RNF150: variants seen among roughly 807,000 people sequenced by gnomAD.
RNF150 encodes ring finger protein 150.
In RNF150, 24 loss-of-function variants were observed where a neutral mutation model predicts 39.3. The ratio of observed to expected loss-of-function variants is 0.61; its 90% CI spans 0.44 to 0.86. The LOEUF (loss-of-function observed/expected upper bound fraction) is 0.86. Ranked by LOEUF, RNF150 falls within the 40% of genes least tolerant of loss-of-function variation. The probability of loss-of-function intolerance (pLI) is 0.00; values close to 1 mark genes in which losing one functional copy is unlikely to be tolerated. For missense variants in RNF150, 502 were observed against 587.8 expected (o/e 0.85, Z 1.51); for synonymous variants, 255 against 227.3 (o/e 1.12, Z -1.10).
intron 1 of RNF150, among the ~76,000 whole-genome samples, chr4:141,176,501 C>A (rs1332344131): frequency 1.3e-5 from 2 of 152,088 alleles, no homozygotes; most frequent in Admixed American, 6.6e-5. Context: ...AATAAAAAAA[C>A]TAAAGTTTAG....
upstream of RNF150, among the ~76,000 whole-genome samples, chr4:141,134,429 C>T (rs1367130513): frequency 6.6e-6 from 1 of 152,196 alleles, no homozygotes; most frequent in Non-Finnish European, 1.5e-5. Context: ...CCACCTGATG[C>T]TCTTTCAGAG....
intron 1 of RNF150, among the ~76,000 whole-genome samples, chr4:140,971,527 T>C (rs1733465462): frequency 6.6e-6 from 1 of 152,166 alleles, no homozygotes; most frequent in African/African-American, 2.4e-5. Flanking sequence ...AAAGGCACTT[T>C]ATACTTGAGT....
At chr4:141,200,701 T>C (rs190900393) in intron 1 of RNF150, among the ~76,000 whole-genome samples, 13 of 152,248 alleles carry the variant, frequency 8.5e-5, no homozygotes, top group African/African-American at 3.1e-4. Context: ...CATTGCAGGC[T>C]CTTCTGCAAA....
intron 1 of RNF150, among the ~76,000 whole-genome samples, chr4:141,066,016 G>A (rs923750316): frequency 6.6e-6 from 1 of 151,908 alleles, no homozygotes; most frequent in Non-Finnish European, 1.5e-5. Context: ...TGCATGGGTG[G>A]TTCACATCCC....
In RNF150 at chr4:140,862,734, T is replaced by A. The variant is rs1325231873; in HGVS notation, c.*5527A>T. On this transcript the variant is annotated 3_prime_UTR_variant, in exon 7 of 7. Transcript: ENST00000515673. ...GCAATCCAGACCTTCTTTGCAATCATGAGTATTTTAACTCATGAGTATTTA... is the reference window on the plus strand; with the variant it reads ...GCAATCCAGACCTTCTTTGCAATCAAGAGTATTTTAACTCATGAGTATTTA... 7 of 152,206 alleles carry A rather than the reference T, an allele frequency of 4.6e-5. No individual in the cohort carries two copies. Among genetic ancestry groups the A allele is most frequent in the Non-Finnish European group, 5.9e-5 (4 of 68,036 alleles). The allele number at this position is 152,206 out of a possible 1,614,324, so 9.4% of individuals were successfully genotyped here. A position where few individuals can be genotyped will look rare whatever the true frequency, so the allele number is the denominator to read the frequency against.
At chr4:140,979,173 C>A (rs995450819) in intron 1 of RNF150, among the ~76,000 whole-genome samples, 6 of 152,060 alleles carry the variant, frequency 3.9e-5, no homozygotes, top group Non-Finnish European at 7.4e-5. Flanking sequence ...TATTTTCAAT[C>A]TGAATTTGAC....
chr4:140,979,992 T>A (rs1158315840), intron 1 of RNF150, among the ~76,000 whole-genome samples: 2 of 152,156 alleles, frequency 1.3e-5, no homozygotes, highest in Non-Finnish European at 2.9e-5. Flanking sequence ...TTGTGTTTTA[T>A]TTTGCTTTGA....
chr4:141,085,739 A>G (rs1738339169), intron 1 of RNF150, among the ~76,000 whole-genome samples: 1 of 152,212 alleles, frequency 6.6e-6, no homozygotes, highest in Non-Finnish European at 1.5e-5. Context: ...TGGAACAGAC[A>G]CCTATGGTGA....
At chr4:140,877,648 T>A (rs930702248) in intron 6 of RNF150, among the ~76,000 whole-genome samples, 4 of 152,230 alleles carry the variant, frequency 2.6e-5, no homozygotes, top group African/African-American at 9.6e-5. Context: ...AAATACAGGC[T>A]CTGACTTTAA....
At chr4:141,040,698 AAC>A (rs1236959609) in intron 1 of RNF150, among the ~76,000 whole-genome samples, 1 of 152,176 alleles carries the variant, frequency 6.6e-6, no homozygotes, top group Non-Finnish European at 1.5e-5. Context: ...AGTGTTAAAT[AAC>A]ACATCAGTGG....
chr4:140,916,156 A>T (rs1469083062), intron 5 of RNF150, among the ~76,000 whole-genome samples: 1 of 152,230 alleles, frequency 6.6e-6, no homozygotes, highest in Non-Finnish European at 1.5e-5. Context: ...CTCCAAAAGA[A>T]TGCAGCTCCT....
chr4:140,993,145 G>C (rs1734254452), intron 1 of RNF150, among the ~76,000 whole-genome samples: 1 of 152,158 alleles, frequency 6.6e-6, no homozygotes, highest in East Asian at 1.9e-4. Context: ...TACAGTTTTA[G>C]AGATCAGAAA....
intron 1 of RNF150, among the ~76,000 whole-genome samples, chr4:141,078,951 A>G (rs1738045146): frequency 6.6e-6 from 1 of 151,294 alleles, no homozygotes; most frequent in Non-Finnish European, 1.5e-5. Context: ...ACATATATAT[A>G]CACATATATA....
In RNF150 at chr4:140,865,656, C is replaced by T. The variant is rs981493892; in HGVS notation, c.*2605G>A. 6.6e-6 allele frequency: 1 copy of T among 151,442 alleles called. No homozygotes were observed. The highest frequency in any genetic ancestry group is 1.5e-5 in the Non-Finnish European group (1 of 67,958). The allele number at this position is 151,442 out of a possible 1,614,324, so 9.4% of individuals were successfully genotyped here. ...AAGGCTCAGGGGGTTTGCAGCAGGA[C>T]CTCCTTGGGGTCAGATCTGCCAGCC... On this transcript the variant is annotated 3_prime_UTR_variant, in exon 7 of 7. Coordinates refer to ENST00000515673, the MANE Select transcript of RNF150 (RefSeq NM_020724.2).
intron 1 of RNF150, among the ~76,000 whole-genome samples, chr4:141,000,000 A>AAGG (rs1734558655): frequency 2.9e-5 from 1 of 34,812 alleles, no homozygotes. Context: ...AGAAAAGAAG[A>AAGG]AGAAGAAGAA....
chr4:141,031,761 T>C (rs1735953595), intron 1 of RNF150, among the ~76,000 whole-genome samples: 1 of 152,008 alleles, frequency 6.6e-6, no homozygotes, highest in Non-Finnish European at 1.5e-5. Flanking sequence ...GTTTTGGTAA[T>C]GATGTGGAGA....
chr4:141,066,760 T>G (rs928291792), intron 1 of RNF150, among the ~76,000 whole-genome samples: 2 of 152,210 alleles, frequency 1.3e-5, no homozygotes, highest in Non-Finnish European at 2.9e-5. Flanking sequence ...ATTAGTAATA[T>G]GTACTGAAAA....
chr4:141,042,087 A>G (rs2110861365), intron 1 of RNF150, among the ~76,000 whole-genome samples: 1 of 152,162 alleles, frequency 6.6e-6, no homozygotes, highest in East Asian at 1.9e-4. Flanking sequence ...AAAATTAAAC[A>G]TGTATTTATT....
chr4:141,091,990 T>C (rs566069596), intron 1 of RNF150, among the ~76,000 whole-genome samples: 28 of 152,268 alleles, frequency 1.8e-4, no homozygotes, highest in Non-Finnish European at 3.2e-4. Flanking sequence ...GCAATCTCAG[T>C]AGGTATACTA....
Sources: allele counts gnomAD v4.1 joint callset (sites outside exome capture counted in the v4.1 genomes callset), GRCh38; gene constraint gnomAD v4.1.1; transcripts MANE v1.5; gene names NCBI Gene and HGNC (gene_info 2026-07-23, HGNC 2026-07-21).